NDRG1: variants seen among roughly 807,000 people sequenced by gnomAD.
The protein encoded by NDRG1 is protein NDRG1.
A neutral mutation model predicts 56.9 loss-of-function variants in NDRG1; 32 were observed. The observed-to-expected ratio is 0.56, with a 90% CI of 0.42 to 0.76. NDRG1 has a LOEUF of 0.76. NDRG1 is among the 30% of genes least tolerant of loss of function. The pLI is 0.00. For missense variants in NDRG1, 507 were observed against 545.7 expected, an observed-to-expected ratio of 0.93 and a Z score of 0.71; for synonymous variants, 211 against 204.1, an observed-to-expected ratio of 1.03 and a Z score of -0.29.
chr8:133,245,702 G>A (rs778878415), intron 13 of NDRG1, among the ~76,000 whole-genome samples: 1 of 152,130 alleles, frequency 6.6e-6, no homozygotes, highest in Non-Finnish European at 1.5e-5. Context: ...GAACTAAAAG[G>A]GAATAAATAT....
rs1335880280 is a variant in NDRG1, at chr8:133,254,534, C to A, written c.594+5G>T. ...ACAACAGATTTGCCAGACCACGCAA[C>A]TCACCTTCCCAAAAAGGTGGGACAC... On this transcript the variant is annotated splice_donor_5th_base_variant and intron_variant, in intron 9 of 15. Coordinates refer to ENST00000323851, the MANE Select transcript of NDRG1 (RefSeq NM_006096.4). 1 of 1,614,066 alleles carries A rather than the reference C, an allele frequency of 6.2e-7. No individual in the cohort carries two copies. The highest frequency in any genetic ancestry group is 8.5e-7 in the Non-Finnish European group (1 of 1,179,954).
At chr8:133,258,167 T>C (rs1242181888) in intron 7 of NDRG1, among the ~76,000 whole-genome samples, 199 bp downstream of exon 7, 1 of 151,914 alleles carries the variant, frequency 6.6e-6, no homozygotes, top group Non-Finnish European at 1.5e-5. Flanking sequence ...TCCAGTATCA[T>C]CCTTGAGTGG....
intron 3 of NDRG1, among the ~76,000 whole-genome samples, chr8:133,269,209 C>T (rs193015656): frequency 4.6e-5 from 7 of 152,132 alleles, no homozygotes; most frequent in African/African-American, 1.7e-4. Context: ...TGAGGGACCC[C>T]CCAACTTCTG....
chr8:133,265,734 C>T (rs1307836135), intron 3 of NDRG1, among the ~76,000 whole-genome samples: 3 of 152,166 alleles, frequency 2.0e-5, no homozygotes, highest in Admixed American at 6.5e-5. Context: ...GTTCCAAGCA[C>T]CCCAGCTCAC....
chr8:133,267,232 T>G (rs1461208405), intron 3 of NDRG1, among the ~76,000 whole-genome samples: 1 of 152,152 alleles, frequency 6.6e-6, no homozygotes, highest in East Asian at 1.9e-4. Context: ...AATTGCCACT[T>G]CACTCGCCTG....
At position 133,256,628 on chromosome 8, in the gene NDRG1, A is replaced by C. The variant is rs1586434372; in HGVS notation, c.537+149T>G. 3 of 739,926 alleles carry C rather than the reference A, an allele frequency of 4.1e-6. No homozygotes were observed. In the East Asian group the frequency reaches 8.1e-5, roughly 20 times the overall value. The allele number at this position is 739,926 out of a possible 1,614,324, so 45.8% of individuals were successfully genotyped here. On this transcript the variant is annotated intron_variant, in intron 8 of 15. Transcript: ENST00000323851. ...AGGTCATGTGTACTGTTCTAAGTAA[A>C]GCAGAGGGAACTGGAGTGGGCAGTA...
intron 1 of NDRG1, among the ~76,000 whole-genome samples, chr8:133,292,198 T>A (rs1218030420): frequency 2.0e-5 from 3 of 152,172 alleles, no homozygotes; most frequent in African/African-American, 7.2e-5. Flanking sequence ...TGAGATAATT[T>A]GTGGAAATCA....
Position 133,239,129 on chromosome 8 carries a change from C to G in NDRG1, c.944-10G>C. 6.4e-7 allele frequency: 1 copy of G among 1,552,678 alleles called. No individual in the cohort carries two copies. The highest frequency in any genetic ancestry group is 8.7e-7 in the Non-Finnish European group (1 of 1,147,728). On this transcript the variant is annotated splice_polypyrimidine_tract_variant and intron_variant, in intron 15 of 15. Transcript: ENST00000323851. ...ATGCTAGCCGAGGGCACTAGGGGAA[C>G]AAGAGACAGCCGGTTAGAGGGCAGG...
chr8:133,268,925 C>G (rs886497329), intron 3 of NDRG1, among the ~76,000 whole-genome samples: 6 of 152,112 alleles, frequency 3.9e-5, no homozygotes, highest in Admixed American at 3.9e-4. Flanking sequence ...CGTGCACGCA[C>G]GCGGTTCTAA....
chr8:133,293,402 T>G (rs1281615375), intron 1 of NDRG1, among the ~76,000 whole-genome samples: 1 of 152,100 alleles, frequency 6.6e-6, no homozygotes, highest in Admixed American at 6.5e-5. Flanking sequence ...AGCGCAATGT[T>G]GGAGGGTGGA....
chr8:133,276,769 C>A (rs1857476488), intron 3 of NDRG1, among the ~76,000 whole-genome samples: 1 of 152,184 alleles, frequency 6.6e-6, no homozygotes, highest in African/African-American at 2.4e-5. Context: ...TTATAAATTA[C>A]CCAGTTTCTG....
chr8:133,258,275 C>T, intron 7 of NDRG1, 91 bp downstream of exon 7: 2 of 1,334,276 alleles, frequency 1.5e-6, no homozygotes, highest in South Asian at 2.5e-5. Context: ...ATTTCTTTTT[C>T]CCTTTTGGGT....
chr8:133,273,792 C>T (rs768439921), intron 3 of NDRG1, among the ~76,000 whole-genome samples: 8 of 152,174 alleles, frequency 5.3e-5, no homozygotes, highest in African/African-American at 7.2e-5. Context: ...CATTCTTCCT[C>T]CTCTTCCCTC....
At chr8:133,284,465 A>T (rs753460904) in intron 1 of NDRG1, 136 bp from the exon 2 acceptor site, 2 of 742,760 alleles carry the variant, frequency 2.7e-6, no homozygotes, top group Admixed American at 2.1e-5. Flanking sequence ...GATGCACTGC[A>T]GGGGATGAGG....
chr8:133,273,707 G>A (rs1285168308), intron 3 of NDRG1, among the ~76,000 whole-genome samples: 3 of 152,130 alleles, frequency 2.0e-5, no homozygotes, highest in Non-Finnish European at 4.4e-5. Flanking sequence ...CTTCAAATGG[G>A]TCTCTCATCT....
At chr8:133,247,830 T>C in intron 12 of NDRG1, 45 bp downstream of exon 12, 1 of 1,604,020 alleles carries the variant, frequency 6.2e-7, no homozygotes, top group Non-Finnish European at 8.5e-7. Flanking sequence ...AACCAGACTT[T>C]GCCTGTTGAA....
At chr8:133,268,185 T>C (rs184064535) in intron 3 of NDRG1, among the ~76,000 whole-genome samples, 1 of 152,272 alleles carries the variant, frequency 6.6e-6, no homozygotes, top group Non-Finnish European at 1.5e-5. Flanking sequence ...ATAAGAGATC[T>C]GATCCCGACA....
intron 9 of NDRG1, among the ~76,000 whole-genome samples, chr8:133,252,248 A>C (rs1232398164): frequency 6.6e-6 from 1 of 152,070 alleles, no homozygotes; most frequent in Non-Finnish European, 1.5e-5. Context: ...GGCGCGTGCC[A>C]CCACATCCGG....
chr8:133,282,926 A>G (rs1857895497), intron 2 of NDRG1, among the ~76,000 whole-genome samples: 1 of 152,248 alleles, frequency 6.6e-6, no homozygotes, highest in African/African-American at 2.4e-5. Flanking sequence ...GAACTTGACC[A>G]ATCCCCTTCC....
Sources: allele counts gnomAD v4.1 joint callset (sites outside exome capture counted in the v4.1 genomes callset), GRCh38; gene constraint gnomAD v4.1.1; transcripts MANE v1.5; gene names NCBI Gene and HGNC (gene_info 2026-07-23, HGNC 2026-07-21).